SLC1A3: variants seen among roughly 807,000 people sequenced by gnomAD.
SLC1A3 encodes the protein excitatory amino acid transporter 1.
In SLC1A3, 21 loss-of-function variants were observed where a neutral mutation model predicts 48.1. The ratio of observed to expected loss-of-function variants is 0.44; its 90% CI spans 0.31 to 0.63. The LOEUF (loss-of-function observed/expected upper bound fraction) is 0.63, where lower values mean the gene tolerates loss of function less well. Among genes scored for constraint, SLC1A3 ranks in the 20% least tolerant of loss-of-function variants. The probability of loss-of-function intolerance (pLI) is 0.08; values close to 1 mark genes in which losing one functional copy is unlikely to be tolerated. For missense variants in SLC1A3, 546 were observed against 689.0 expected, an observed-to-expected ratio of 0.79 and a Z score of 2.32; for synonymous variants, 239 against 251.4, an observed-to-expected ratio of 0.95 and a Z score of 0.47.
intron 3 of SLC1A3, among the ~76,000 whole-genome samples, chr5:36,656,774 A>G (rs1741302074): frequency 1.3e-5 from 2 of 152,236 alleles, no homozygotes; most frequent in Admixed American, 6.5e-5. Flanking sequence ...TCATTCAACA[A>G]AGCTATACTG....
chr5:36,602,416 G>T (rs1469292039), upstream of SLC1A3, among the ~76,000 whole-genome samples: 4 of 152,126 alleles, frequency 2.6e-5, no homozygotes, highest in Non-Finnish European at 5.9e-5. Flanking sequence ...AAACTATAAA[G>T]CCCTGTAAAC....
At chr5:36,625,891 C>G (rs531650670) in intron 2 of SLC1A3, among the ~76,000 whole-genome samples, 1 of 152,310 alleles carries the variant, frequency 6.6e-6, no homozygotes, top group African/African-American at 2.4e-5. Flanking sequence ...TAGGACTGCA[C>G]TTCCCAGCAA....
At chr5:36,606,835 G>C (rs1561233438) in intron 1 of SLC1A3, 100 bp downstream of exon 1, 1 of 152,332 alleles carries the variant, frequency 6.6e-6, no homozygotes. Flanking sequence ...CTGAATCAAG[G>C]CTAGCCATTT....
intron 3 of SLC1A3, among the ~76,000 whole-genome samples, chr5:36,659,036 A>G (rs544555366): frequency 8.9e-4 from 135 of 152,274 alleles, no homozygotes; most frequent in Non-Finnish European, 1.6e-3. Flanking sequence ...CATGACTTTA[A>G]GCAGATTACT....
At chr5:36,614,426 T>A (rs1199622499) in intron 2 of SLC1A3, among the ~76,000 whole-genome samples, 1 of 151,788 alleles carries the variant, frequency 6.6e-6, no homozygotes. Context: ...GCCAAGAGAG[T>A]TGTAGGAAGA....
intron 1 of SLC1A3, among the ~76,000 whole-genome samples, chr5:36,600,102 T>A (rs531547077): frequency 4.3e-4 from 66 of 152,288 alleles, no homozygotes; most frequent in Admixed American, 8.5e-4. Context: ...TACTTTGAGT[T>A]ACCCAATCCA....
intron 3 of SLC1A3, among the ~76,000 whole-genome samples, chr5:36,667,000 A>G (rs1419071824): frequency 1.3e-5 from 2 of 152,192 alleles, no homozygotes; most frequent in Non-Finnish European, 2.9e-5. Flanking sequence ...TTAATCTTTT[A>G]CTTTCTAGAA....
intron 3 of SLC1A3, among the ~76,000 whole-genome samples, chr5:36,633,335 T>C (rs192170411): frequency 6.6e-6 from 1 of 152,292 alleles, no homozygotes; most frequent in East Asian, 1.9e-4. Flanking sequence ...AGCACAACTT[T>C]TGACATGCAA....
intron 5 of SLC1A3, among the ~76,000 whole-genome samples, chr5:36,675,660 GCATAAGGAC>G (rs1742176174): frequency 6.6e-6 from 1 of 152,182 alleles, no homozygotes; most frequent in African/African-American, 2.4e-5. Flanking sequence ...TCCATAAAAT[GCATAAGGAC>G]CCAACGGAAT....
At chr5:36,612,052 T>G (rs924569697) in intron 2 of SLC1A3, among the ~76,000 whole-genome samples, 2 of 151,222 alleles carry the variant, frequency 1.3e-5, no homozygotes, top group African/African-American at 2.4e-5. Flanking sequence ...TTCTCTGATG[T>G]TGGTCTTGGC....
intron 2 of SLC1A3, among the ~76,000 whole-genome samples, chr5:36,627,667 G>A (rs1864213): frequency 1.3e-5 from 2 of 151,976 alleles, no homozygotes; most frequent in African/African-American, 4.8e-5. Context: ...ATGTTTATGG[G>A]GACCGTATAT....
intron 5 of SLC1A3, among the ~76,000 whole-genome samples, chr5:36,676,491 A>G (rs1742212282): frequency 6.6e-6 from 1 of 152,188 alleles, no homozygotes; most frequent in South Asian, 2.1e-4. Context: ...GAAAAGGACT[A>G]TTGTGAATAT....
chr5:36,618,860 AC>A (rs1319223511), intron 2 of SLC1A3, among the ~76,000 whole-genome samples: 4 of 152,370 alleles, frequency 2.6e-5, no homozygotes, highest in African/African-American at 9.6e-5. Context: ...TTTAAAAATA[AC>A]AATGGATTGG....
Position 36,629,545 on chromosome 5 carries a change from C to CAG in SLC1A3, c.279_280dup (p.Met94ArgfsTer19). On this transcript the variant is annotated frameshift_variant, in exon 3 of 10. Transcript: ENST00000265113. LOFTEE classifies it high-confidence loss of function. ...TGGGGAACTTCTGATGAGGATGTTACAGATGCTGGTCTTACCACTTATCAT... is the reference window on the plus strand; with the variant it reads ...TGGGGAACTTCTGATGAGGATGTTACAGAGATGCTGGTCTTACCACTTATCAT... The CAG allele has an allele frequency of 6.2e-7, 1 of 1,611,926 alleles. No homozygotes were observed. Among genetic ancestry groups the CAG allele is most frequent in the Non-Finnish European group, 8.5e-7 (1 of 1,178,792 alleles).
intron 3 of SLC1A3, among the ~76,000 whole-genome samples, chr5:36,637,631 GAACTGC>G (rs1740446989): frequency 6.6e-6 from 1 of 152,164 alleles, no homozygotes; most frequent in Non-Finnish European, 1.5e-5. Context: ...GAATGCTGTG[GAACTGC>G]AGGTTTCTTC....
intron 2 of SLC1A3, among the ~76,000 whole-genome samples, chr5:36,621,392 C>T (rs979648279): frequency 6.6e-6 from 1 of 152,062 alleles, no homozygotes; most frequent in Non-Finnish European, 1.5e-5. Flanking sequence ...CAAGGTGGAT[C>T]TAGGGGGGCT....
rs188528112 is a variant in SLC1A3 at position 36,643,358 on chromosome 5, A to C, written c.319+13771A>C. On this transcript the variant is annotated intron_variant, in intron 3 of 9. Transcript: ENST00000265113. ...TTTAGTTATTATTCATCTTTTTATC[A>C]GGGTGGGTATTAAATGCTGTCTCAC... 6.6e-5 allele frequency among the ~76,000 whole-genome samples: 10 copies of C among 152,246 alleles called. No individual in the cohort carries two copies. In the East Asian group the frequency reaches 1.9e-3, roughly 29 times the overall value.
At chr5:36,605,937 T>TA (rs941918643), upstream of SLC1A3, among the ~76,000 whole-genome samples, 2 of 152,210 alleles carry the variant, frequency 1.3e-5, no homozygotes, top group Non-Finnish European at 2.9e-5. Flanking sequence ...CTCTTGGTCT[T>TA]AAAATGCTTT....
chr5:36,611,897 T>A (rs1043373221), intron 2 of SLC1A3, among the ~76,000 whole-genome samples: 15 of 152,160 alleles, frequency 9.9e-5, no homozygotes, highest in African/African-American at 3.4e-4. Context: ...AATTGCACAA[T>A]AAAAATGAAA....
Sources: gnomAD v4.1 joint callset for allele counts (sites outside exome capture counted in the v4.1 genomes callset) on GRCh38, gnomAD v4.1.1 for gene constraint, MANE v1.5 for transcripts, NCBI Gene and HGNC (gene_info 2026-07-23, HGNC 2026-07-21) for gene names.